Variants in TSHZ2 observed in about 807,000 individuals in gnomAD.
TSHZ2 encodes teashirt homolog 2.
In TSHZ2, 21 loss-of-function variants were observed where a neutral mutation model predicts 74.4. That is an observed-to-expected ratio of 0.28 (90% CI 0.20 to 0.41). The LOEUF (loss-of-function observed/expected upper bound fraction) is 0.41. Ranked by LOEUF, TSHZ2 falls within the 10% of genes least tolerant of loss-of-function variation. The probability of loss-of-function intolerance (pLI) is 1.00; values close to 1 mark genes in which losing one functional copy is unlikely to be tolerated. For missense variants in TSHZ2, 1,244 were observed against 1,293.5 expected (o/e 0.96, Z 0.59); for synonymous variants, 540 against 515.3 (o/e 1.05, Z -0.65).
At chr20:53,209,439 A>C (rs1989249241) in intron 1 of TSHZ2, among the ~76,000 whole-genome samples, 1 of 152,226 alleles carries the variant, frequency 6.6e-6, no homozygotes, top group African/African-American at 2.4e-5. Flanking sequence ...TCTACTGTGC[A>C]GTGCAGAGGG....
rs145257528 is a variant in TSHZ2, at chr20:53,324,338, A to C, written c.*8+67767A>C. Among the ~76,000 whole-genome samples the C allele has an allele frequency of 4.2e-4, 64 of 152,172 alleles. 2 individuals carry two copies. The East Asian group carries it at 0.011, about 26-fold the overall frequency. On this transcript the variant is annotated intron_variant, in intron 2 of 2. Coordinates refer to ENST00000371497, the MANE Select transcript of TSHZ2 (RefSeq NM_173485.6). ...GCCCTAGGTAGGATGAGGGAGAAGG[A>C]GGCAGTTTCCTTTTCTACTTTTTGT...
At chr20:53,343,037 G>A (rs561400006) in intron 2 of TSHZ2, among the ~76,000 whole-genome samples, 1 of 125,178 alleles carries the variant, frequency 8.0e-6, no homozygotes, top group Admixed American at 1.0e-4. Context: ...CACAATCTCA[G>A]CTCACTGCAA....
intron 1 of TSHZ2, among the ~76,000 whole-genome samples, chr20:53,103,511 C>A (rs1040935248): frequency 6.6e-6 from 1 of 152,110 alleles, no homozygotes; most frequent in Non-Finnish European, 1.5e-5. Flanking sequence ...AATATTTTGT[C>A]TAATTTGTAG....
intron 2 of TSHZ2, among the ~76,000 whole-genome samples, chr20:53,409,266 GAAAA>G (rs77521340): frequency 1.3e-5 from 2 of 148,714 alleles, no homozygotes; most frequent in African/African-American, 4.9e-5. Context: ...TCTTTCTTCA[GAAAA>G]AAAAAATTAT....
intron 1 of TSHZ2, among the ~76,000 whole-genome samples, chr20:53,099,796 T>C (rs908284896): frequency 6.6e-6 from 1 of 152,222 alleles, no homozygotes; most frequent in Admixed American, 6.5e-5. Context: ...ATGATTCAAT[T>C]GTCTCTGACA....
At chr20:53,168,921 G>A (rs1226385612) in intron 1 of TSHZ2, 3 of 152,044 alleles carry the variant, frequency 2.0e-5, no homozygotes, top group East Asian at 3.8e-4. Flanking sequence ...CCTAGATATC[G>A]GCTTTTCAGT....
chr20:53,116,332 G>A (rs563390855), intron 1 of TSHZ2, among the ~76,000 whole-genome samples: 9 of 152,146 alleles, frequency 5.9e-5, no homozygotes, highest in South Asian at 2.1e-4. Context: ...ATCATTATTC[G>A]GTAACCTGGA....
rs1017167087 is a variant in TSHZ2, at chr20:53,151,641, C to T, written c.41-101858C>T. 5.3e-5 allele frequency among the ~76,000 whole-genome samples: 8 copies of T among 152,172 alleles called. No homozygotes were observed. The East Asian group carries it at 1.5e-3, about 29-fold the overall frequency. On this transcript the variant is annotated intron_variant, in intron 1 of 2. Coordinates refer to ENST00000371497, the MANE Select transcript of TSHZ2 (RefSeq NM_173485.6). ...TTAAAAAGTTCAATAGATTTTTCTG[C>T]TACATGAATCACAGAAAATAAGTTT...
At chr20:53,367,413 AAAT>A (rs1393973055) in intron 2 of TSHZ2, among the ~76,000 whole-genome samples, 2 of 151,824 alleles carry the variant, frequency 1.3e-5, no homozygotes, top group African/African-American at 4.8e-5. Context: ...CAAAAAAATA[AAAT>A]AATAAAATAA....
At chr20:53,105,497 G>T (rs538453624) in intron 1 of TSHZ2, among the ~76,000 whole-genome samples, 4 of 152,142 alleles carry the variant, frequency 2.6e-5, no homozygotes, top group Non-Finnish European at 5.9e-5. Context: ...TGACTTTAAA[G>T]ATAACTTGGC....
chr20:52,980,210 C>A (rs1024988144), intron 1 of TSHZ2, among the ~76,000 whole-genome samples: 3 of 152,176 alleles, frequency 2.0e-5, no homozygotes, highest in Non-Finnish European at 2.9e-5. Context: ...AACTTTGTTG[C>A]GGCAGGATAA....
Position 53,254,050 on chromosome 20 carries a change from T to A in TSHZ2, c.592T>A (p.Tyr198Asn). The A allele has an allele frequency of 6.2e-7, 1 of 1,614,078 alleles. No homozygotes were observed. The highest frequency in any genetic ancestry group is 8.5e-7 in the Non-Finnish European group (1 of 1,180,016). Residue 198 changes from tyrosine (Y) to asparagine (N), a missense_variant, in exon 2 of 3, where the codon TAC becomes AAC. This residue lies in a region of TSHZ2 where 470 missense variants were observed against 456.5 expected (regional missense o/e 1.03). Transcript: ENST00000371497. ...CAGCCTGTTCAGCTCGGTGCAGTTG[T>A]ACCGACAGAGCAGCAAGATGTGCGG... ...KPSLFSSVQL[Y>N]RQSSKMCGTV...
At chr20:53,040,770 G>A (rs77229220) in intron 1 of TSHZ2, among the ~76,000 whole-genome samples, 4,647 of 152,182 alleles carry the variant, frequency 0.031, 226 homozygotes, top group African/African-American at 0.1. Context: ...ACCCAGGTGC[G>A]GTGTCTTCCA....
chr20:53,280,714 A>T (rs1991042472), intron 2 of TSHZ2, among the ~76,000 whole-genome samples: 1 of 149,794 alleles, frequency 6.7e-6, no homozygotes, highest in South Asian at 2.2e-4. Context: ...TGTTTTTTTG[A>T]GATGGAGTCT....
intron 2 of TSHZ2, among the ~76,000 whole-genome samples, chr20:53,368,301 G>A (rs1369243949): frequency 6.6e-6 from 1 of 151,410 alleles, no homozygotes; most frequent in Non-Finnish European, 1.5e-5. Flanking sequence ...TTTTTTGTTT[G>A]TTTGTTTGTT....
Position 53,489,449 on chromosome 20 carries a change from T to C in TSHZ2, c.*2314T>C. 2 of 316,388 alleles carry C rather than the reference T, an allele frequency of 6.3e-6. No individual in the cohort carries two copies. Among genetic ancestry groups the C allele is most frequent in the South Asian group, 5.7e-5 (2 of 35,286 alleles). 19.6% of individuals were successfully genotyped at this position (316,388 alleles called of 1,614,324 possible). On this transcript the variant is annotated 3_prime_UTR_variant, in exon 3 of 3. Transcript: ENST00000371497. Reference sequence around the variant, plus strand: ...TGGGGTTCTCGTAGCTGTTAAAAATTGTCTGCTCCAATCCAGGGTTATTAG... The same window carrying C: ...TGGGGTTCTCGTAGCTGTTAAAAATCGTCTGCTCCAATCCAGGGTTATTAG...
intron 1 of TSHZ2, among the ~76,000 whole-genome samples, chr20:53,042,681 A>T (rs1055000885): frequency 2.1e-5 from 3 of 145,520 alleles, no homozygotes; most frequent in Non-Finnish European, 4.5e-5. Flanking sequence ...TAACTACTAC[A>T]CTATTATGGA....
At chr20:53,450,266 C>A (rs1448442899) in intron 2 of TSHZ2, among the ~76,000 whole-genome samples, 1 of 152,166 alleles carries the variant, frequency 6.6e-6, no homozygotes. Context: ...ATCCTTCCAT[C>A]CTTAGATAGT....
At chr20:53,278,376 T>C (rs1420018186) in intron 2 of TSHZ2, among the ~76,000 whole-genome samples, 1 of 152,226 alleles carries the variant, frequency 6.6e-6, no homozygotes, top group Non-Finnish European at 1.5e-5. Context: ...CCTCACACTC[T>C]TCATTTATTC....
Sources: gnomAD v4.1 joint callset for allele counts (sites outside exome capture counted in the v4.1 genomes callset) on GRCh38, gnomAD v4.1.1 for gene constraint, gnomAD v4.1.1 regional missense constraint, MANE v1.5 for transcripts, NCBI Gene and HGNC (gene_info 2026-07-23, HGNC 2026-07-21) for gene names.